EPC1: variants seen among roughly 807,000 people sequenced by gnomAD.
EPC1 encodes the protein enhancer of polycomb 1.
Under a neutral mutation model 98.4 loss-of-function variants are expected in EPC1, and 12 were observed. The observed-to-expected ratio is 0.12, with a 90% CI of 0.08 to 0.20. The LOEUF (loss-of-function observed/expected upper bound fraction) is 0.20, where lower values mean the gene tolerates loss of function less well. EPC1 is among the 10% of genes least tolerant of loss of function. The pLI, the probability that EPC1 is intolerant of heterozygous loss-of-function variation, is 1.00. For missense variants in EPC1, 729 were observed against 990.5 expected, an observed-to-expected ratio of 0.74 and a Z score of 3.54; for synonymous variants, 357 against 363.9, an observed-to-expected ratio of 0.98 and a Z score of 0.21.
At chr10:32,366,977 CGTATGTAT>C (rs368610986) in intron 1 of EPC1, among the ~76,000 whole-genome samples, 42 of 151,782 alleles carry the variant, frequency 2.8e-4, no homozygotes, top group Non-Finnish European at 5.1e-4. Flanking sequence ...AAACTATGTA[CGTATGTAT>C]GTATGTATGT....
chr10:32,347,004 A>C lies in EPC1; in HGVS notation c.-89T>G. The C allele has an allele frequency of 6.5e-7, 1 of 1,544,328 alleles. No individual in the cohort carries two copies. The highest frequency in any genetic ancestry group is 8.7e-7 in the Non-Finnish European group (1 of 1,152,330). ...ACCGGGGGTTCGGTCCCCACTCGCC[A>C]ACCGCTGCCGGGGACTTGAGGGGCG... On this transcript the variant is annotated 5_prime_UTR_variant, in exon 1 of 14. Transcript: ENST00000319778.
chr10:32,305,357 G>C (rs1835814813), intron 2 of EPC1, among the ~76,000 whole-genome samples: 1 of 152,210 alleles, frequency 6.6e-6, no homozygotes, highest in African/African-American at 2.4e-5. Flanking sequence ...GAATAGTTGT[G>C]ACAGAATGAC....
chr10:32,311,862 C>G (rs1836251081), intron 1 of EPC1, among the ~76,000 whole-genome samples: 1 of 152,126 alleles, frequency 6.6e-6, no homozygotes, highest in Admixed American at 6.5e-5. Context: ...GAGAAAATGC[C>G]TCCATGATGT....
chr10:32,272,574 A>G lies in EPC1; in HGVS notation c.1864-407T>C, dbSNP rs148146001. Among the ~76,000 whole-genome samples, 1,115 of 152,342 alleles carry G rather than the reference A, an allele frequency of 7.3e-3. 14 individuals carry two copies. The highest frequency in any genetic ancestry group is 7.1e-3 in the Non-Finnish European group (482 of 68,024). The stretch of plus-strand genomic sequence containing the variant: ...CTTCACCTAACTTATACACACACAC[A>G]TATGTATACACACACAATGAAAGGC... On this transcript the variant is annotated intron_variant, in intron 11 of 13. Transcript: ENST00000319778.
At chr10:32,308,322 G>A (rs999484105) in intron 1 of EPC1, among the ~76,000 whole-genome samples, 13 of 151,984 alleles carry the variant, frequency 8.6e-5, no homozygotes, top group African/African-American at 1.5e-4. Context: ...TCTGGGAGGC[G>A]GAGGTTTCAG....
At chr10:32,348,201 G>T (rs919547538), upstream of EPC1, among the ~76,000 whole-genome samples, 2 of 152,322 alleles carry the variant, frequency 1.3e-5, no homozygotes, top group South Asian at 4.1e-4. Context: ...GATTTAGATG[G>T]ATATGATAGA....
At chr10:32,316,658 A>C (rs1040692632) in intron 1 of EPC1, among the ~76,000 whole-genome samples, 1 of 152,220 alleles carries the variant, frequency 6.6e-6, no homozygotes, top group Non-Finnish European at 1.5e-5. Flanking sequence ...AAGTGGAGGC[A>C]GGGACCGAGA....
exon 1 of EPC1, chr10:32,378,502 G>A: frequency 6.5e-7 from 1 of 1,545,602 alleles, no homozygotes. Flanking sequence ...ATTAGTGCAG[G>A]CAAAGAAGAC....
chr10:32,358,211 A>G (rs1173998269), intron 1 of EPC1, among the ~76,000 whole-genome samples: 3 of 152,196 alleles, frequency 2.0e-5, no homozygotes, highest in East Asian at 3.9e-4. Context: ...TTCTGAGACT[A>G]TTATTTGACA....
Position 32,296,229 on chromosome 10 carries a change from C to T in EPC1, c.314-2492G>A, listed in dbSNP as rs963966408. Among the ~76,000 whole-genome samples the T allele has an allele frequency of 3.3e-5, 5 of 152,278 alleles. 1 individual carries two copies. In the Middle Eastern group the frequency reaches 0.014, roughly 414 times the overall value. ...GGATTACAGTCGTGAGCCACCGCGCCCGGCCAATGTTCTGCTTCTTAAGGT... is the reference window on the plus strand; with the variant it reads ...GGATTACAGTCGTGAGCCACCGCGCTCGGCCAATGTTCTGCTTCTTAAGGT... On this transcript the variant is annotated intron_variant, in intron 2 of 13. Coordinates refer to ENST00000319778, the MANE Select transcript of EPC1 (RefSeq NM_001272004.3).
At chr10:32,287,365 T>A in intron 6 of EPC1, 91 bp from the exon 7 acceptor site, 1 of 1,256,084 alleles carries the variant, frequency 8.0e-7, no homozygotes, top group African/African-American at 1.5e-5. Flanking sequence ...AGTTTATTGC[T>A]ATAATGAGGG....
rs960257736 is a variant in EPC1 at position 32,319,858 on chromosome 10, T to C, written c.154-13927A>G. Among the ~76,000 whole-genome samples the C allele has an allele frequency of 7.2e-5, 11 of 152,236 alleles. No individual in the cohort carries two copies. In the South Asian group the frequency reaches 8.3e-4, roughly 11 times the overall value. On this transcript the variant is annotated intron_variant, in intron 1 of 13. Coordinates refer to ENST00000319778, the MANE Select transcript of EPC1 (RefSeq NM_001272004.3). ...AACCTGGCTAATTTTTTTGTATTTTTAGTAGAGACAGAGTTTCACCATTTT... is the reference window on the plus strand; with the variant it reads ...AACCTGGCTAATTTTTTTGTATTTTCAGTAGAGACAGAGTTTCACCATTTT...
chr10:32,376,424 C>T (rs1839873209), intron 1 of EPC1, among the ~76,000 whole-genome samples: 1 of 152,038 alleles, frequency 6.6e-6, no homozygotes, highest in Non-Finnish European at 1.5e-5. Flanking sequence ...AACTCTCCAG[C>T]ATAACCAGAG....
At chr10:32,276,340 G>A (rs913133615) in intron 10 of EPC1, among the ~76,000 whole-genome samples, 1 of 152,026 alleles carries the variant, frequency 6.6e-6, no homozygotes, top group Non-Finnish European at 1.5e-5. Flanking sequence ...GTGAAACCCC[G>A]TCTCTACCAA....
chr10:32,349,201 A>G (rs1264929683), upstream of EPC1, among the ~76,000 whole-genome samples: 1 of 152,230 alleles, frequency 6.6e-6, no homozygotes, highest in East Asian at 1.9e-4. Context: ...TTCATAATTG[A>G]GGAGCCTAAG....
chr10:32,351,318 G>A (rs989188725), upstream of EPC1, among the ~76,000 whole-genome samples: 2 of 152,132 alleles, frequency 1.3e-5, no homozygotes, highest in African/African-American at 4.8e-5. Flanking sequence ...TATTGCTTAA[G>A]ACAAGCTTTT....
chr10:32,310,099 G>A (rs560307296), intron 1 of EPC1, among the ~76,000 whole-genome samples: 2 of 152,196 alleles, frequency 1.3e-5, no homozygotes, highest in South Asian at 4.1e-4. Context: ...GGAGGCTGAG[G>A]CAAGAGAATC....
chr10:32,291,269 C>T lies in EPC1; in HGVS notation c.869G>A (p.Arg290Lys), dbSNP rs750592260. The change falls in exon 6 of 14, where the codon AGA (arginine) becomes AAA (lysine). Residue 290 changes from arginine (R) to lysine (K), a missense_variant. Coordinates refer to ENST00000319778, the MANE Select transcript of EPC1 (RefSeq NM_001272004.3). ...GEIMSEVMAQ[R>K]QPMKPTYAIP... Reference sequence around the variant, plus strand: ...GGCATAAGTAGGTTTCATTGGCTGTCTCTGTGCCATAACCTCAGACATGAT... The same window carrying T: ...GGCATAAGTAGGTTTCATTGGCTGTTTCTGTGCCATAACCTCAGACATGAT... The T allele has an allele frequency of 6.2e-7, 1 of 1,613,940 alleles. No individual in the cohort carries two copies. The highest frequency in any genetic ancestry group is 8.5e-7 in the Non-Finnish European group (1 of 1,179,904).
In EPC1 at chr10:32,293,617, C is replaced by G; in HGVS notation, c.434G>C (p.Arg145Pro). The change falls in exon 3 of 14, where the codon CGC (arginine) becomes CCC (proline). Residue 145 changes from arginine to proline, a missense_variant. Arg to Pro is a moderately radical substitution (Grantham distance 103). Coordinates refer to ENST00000319778, the MANE Select transcript of EPC1 (RefSeq NM_001272004.3). ...CPLQFEEMID[R>P]LEKGSGQQPV... ...CTGCTGACCACTGCCTTTTTCTAGG[C>G]GGTCAATCATCTCCTCAAATTGCAA... The G allele has an allele frequency of 1.9e-6, 3 of 1,613,136 alleles. No homozygotes were observed. Among genetic ancestry groups the G allele is most frequent in the Non-Finnish European group, 2.5e-6 (3 of 1,179,632 alleles).
Sources: allele counts gnomAD v4.1 joint callset (sites outside exome capture counted in the v4.1 genomes callset), GRCh38; gene constraint gnomAD v4.1.1; transcripts MANE v1.5; gene names NCBI Gene and HGNC (gene_info 2026-07-23, HGNC 2026-07-21).